Variants in NAALADL2 observed in about 807,000 individuals in gnomAD.
NAALADL2 encodes N-acetylated alpha-linked acidic dipeptidase like 2.
NAALADL2 carries 76 observed loss-of-function variants against 87.2 expected under a neutral mutation model. The observed-to-expected ratio is 0.87, with a 90% confidence interval of 0.72 to 1.05. The LOEUF (loss-of-function observed/expected upper bound fraction) is 1.05, where lower values mean the gene tolerates loss of function less well. Among genes scored for constraint, NAALADL2 ranks in the 50% least tolerant of loss-of-function variants. NAALADL2 has a pLI of 0.00. For synonymous variants in NAALADL2, 354 were observed against 331.0 expected, an observed-to-expected ratio of 1.07 and a Z score of -0.75; for missense variants, 1,089 against 945.8, an observed-to-expected ratio of 1.15 and a Z score of -1.99.
At chr3:175,238,813 C>T (rs1004822179) in intron 3 of NAALADL2, among the ~76,000 whole-genome samples, 1 of 152,062 alleles carries the variant, frequency 6.6e-6, no homozygotes, top group Admixed American at 6.6e-5. Flanking sequence ...TCAGGCATGC[C>T]TCTTTTTTTG....
intron 2 of NAALADL2, among the ~76,000 whole-genome samples, chr3:174,574,035 G>A (rs1715239389): frequency 6.6e-6 from 1 of 152,092 alleles, no homozygotes; most frequent in African/African-American, 2.4e-5. Context: ...ATTCCCTTGT[G>A]AATTAAAGCA....
chr3:174,553,877 A>G (rs2108496626), intron 2 of NAALADL2, among the ~76,000 whole-genome samples: 1 of 150,092 alleles, frequency 6.7e-6, no homozygotes. Flanking sequence ...TTTTTGTTTT[A>G]CATTTAAAGG....
At chr3:175,003,071 C>A (rs1265379279) in intron 1 of NAALADL2, among the ~76,000 whole-genome samples, 4 of 152,188 alleles carry the variant, frequency 2.6e-5, no homozygotes, top group Admixed American at 1.3e-4. Flanking sequence ...AGAAGCTGTA[C>A]TGGATGATAT....
At chr3:175,566,893 T>A (rs1240952490) in intron 9 of NAALADL2, among the ~76,000 whole-genome samples, 1 of 152,272 alleles carries the variant, frequency 6.6e-6, no homozygotes, top group East Asian at 1.9e-4. Context: ...AAAGTTATAA[T>A]TTTACGTAGT....
chr3:174,555,712 T>G (rs181512499), intron 2 of NAALADL2, among the ~76,000 whole-genome samples: 75 of 152,320 alleles, frequency 4.9e-4, no homozygotes, highest in African/African-American at 1.8e-3. Flanking sequence ...GTTCAGATTC[T>G]TCTTGGCCTT....
intron 11 of NAALADL2, among the ~76,000 whole-genome samples, chr3:175,715,118 T>C (rs1741057997): frequency 6.6e-6 from 1 of 152,178 alleles, no homozygotes; most frequent in Admixed American, 6.6e-5. Context: ...GTGGAACCTT[T>C]CTTTAGTGTT....
intron 5 of NAALADL2, among the ~76,000 whole-genome samples, chr3:175,388,719 G>T (rs972076247): frequency 3.3e-5 from 5 of 151,782 alleles, no homozygotes; most frequent in African/African-American, 1.2e-4. Flanking sequence ...TATAAATTTT[G>T]GTTTCAGCAA....
In NAALADL2 at chr3:174,953,104, A is replaced by G. The variant is rs148769362; in HGVS notation, c.43+93654A>G. 1.8e-3 allele frequency among the ~76,000 whole-genome samples: 280 copies of G among 152,118 alleles called. 1 individual carries two copies. Among genetic ancestry groups the G allele is most frequent in the African/African-American group, 6.4e-3 (264 of 41,514 alleles). ...ATTATAAGAATCCCAGGTTTACAGA[A>G]GAAGAAATTGAGACACAGGAAGGTC... On this transcript the variant is annotated intron_variant, in intron 1 of 13. Transcript: ENST00000454872.
intron 11 of NAALADL2, among the ~76,000 whole-genome samples, chr3:175,688,224 G>T (rs1468181389): frequency 6.6e-6 from 1 of 152,084 alleles, no homozygotes; most frequent in African/African-American, 2.4e-5. Context: ...ACGACCTCTT[G>T]CTGGTGCTCG....
intron 4 of NAALADL2, among the ~76,000 whole-genome samples, chr3:175,289,601 CCA>C (rs1755403167): frequency 1.7e-5 from 1 of 58,994 alleles, no homozygotes; most frequent in Non-Finnish European, 3.9e-5. Context: ...CTCCCTCCCC[CCA>C]AAAAAATAAA....
At chr3:174,718,257 T>G (rs998924186) in intron 2 of NAALADL2, among the ~76,000 whole-genome samples, 1 of 152,212 alleles carries the variant, frequency 6.6e-6, no homozygotes, top group African/African-American at 2.4e-5. Flanking sequence ...GGATGTAAGA[T>G]CACATATTAT....
At chr3:174,794,703 A>AT (rs1160139290) in intron 3 of NAALADL2, among the ~76,000 whole-genome samples, 1 of 152,066 alleles carries the variant, frequency 6.6e-6, no homozygotes, top group Non-Finnish European at 1.5e-5. Context: ...ACTTTTCATT[A>AT]TTTTTATTAA....
At chr3:174,557,741 G>T (rs544369099) in intron 2 of NAALADL2, among the ~76,000 whole-genome samples, 1 of 152,090 alleles carries the variant, frequency 6.6e-6, no homozygotes, top group South Asian at 2.1e-4. Flanking sequence ...TGTCAGGAGG[G>T]CCCCAATAAC....
At chr3:175,024,808 G>T (rs1351957139) in intron 1 of NAALADL2, among the ~76,000 whole-genome samples, 1 of 151,944 alleles carries the variant, frequency 6.6e-6, no homozygotes, top group African/African-American at 2.4e-5. Context: ...TCATTTGTCA[G>T]AGTAACATGT....
chr3:174,633,127 T>C (rs1025192836), intron 2 of NAALADL2, among the ~76,000 whole-genome samples: 8 of 152,174 alleles, frequency 5.3e-5, no homozygotes, highest in Non-Finnish European at 7.4e-5. Flanking sequence ...ACTACCAGTA[T>C]TTGGTTGCCG....
intron 2 of NAALADL2, among the ~76,000 whole-genome samples, chr3:175,139,452 A>G (rs544052285): frequency 3.5e-4 from 53 of 152,252 alleles, no homozygotes; most frequent in African/African-American, 1.3e-3. Context: ...ATATAAGAAT[A>G]AGGGACAATA....
chr3:175,195,099 C>T (rs187093425), intron 2 of NAALADL2, among the ~76,000 whole-genome samples: 8 of 151,530 alleles, frequency 5.3e-5, no homozygotes, highest in African/African-American at 1.4e-4. Context: ...AGGTTAATTC[C>T]ACATGGAACT....
At chr3:174,566,444 TCTTTTTAC>T (rs1485898597) in intron 2 of NAALADL2, among the ~76,000 whole-genome samples, 1 of 151,884 alleles carries the variant, frequency 6.6e-6, no homozygotes, top group Non-Finnish European at 1.5e-5. Flanking sequence ...TTTCACCTCC[TCTTTTTAC>T]CTGGTTATCT....
chr3:174,653,202 C>T (rs1464938084), intron 2 of NAALADL2, among the ~76,000 whole-genome samples: 1 of 152,146 alleles, frequency 6.6e-6, no homozygotes, highest in African/African-American at 2.4e-5. Context: ...TCCTAAATGT[C>T]ATGTACAGTG....
Sources: allele counts gnomAD v4.1 joint callset (sites outside exome capture counted in the v4.1 genomes callset), GRCh38; gene constraint gnomAD v4.1.1; transcripts MANE v1.5; gene names NCBI Gene and HGNC (gene_info 2026-07-23, HGNC 2026-07-21).